CCND2: variants seen among roughly 807,000 people sequenced by gnomAD.
CCND2 encodes G1/S-specific cyclin-D2.
Under a neutral mutation model 30.2 loss-of-function variants are expected in CCND2, and 6 were observed. The ratio of observed to expected loss-of-function variants is 0.20; its 90% CI spans 0.11 to 0.39. The LOEUF is 0.39. Ranked by LOEUF, CCND2 falls within the 10% of genes least tolerant of loss-of-function variation. The probability of loss-of-function intolerance (pLI) is 1.00; values close to 1 mark genes in which losing one functional copy is unlikely to be tolerated. For synonymous variants in CCND2, 150 were observed against 153.1 expected (o/e 0.98, Z 0.15); for missense variants, 235 against 373.4 (o/e 0.63, Z 3.06).
chr12:4,302,849 T>C lies in CCND2; in HGVS notation c.*2840T>C, dbSNP rs1307905282. 1 of 233,224 alleles carries C rather than the reference T, an allele frequency of 4.3e-6. No homozygotes were observed. The allele number at this position is 233,224 out of a possible 1,614,324, so 14.4% of individuals were successfully genotyped here. ...TGACCCTAAAATTCTAGGGGATTTCTGGTGGGACAATGGGTGGTGAATTCT... is the reference window on the plus strand; with the variant it reads ...TGACCCTAAAATTCTAGGGGATTTCCGGTGGGACAATGGGTGGTGAATTCT... On this transcript the variant is annotated 3_prime_UTR_variant, in exon 5 of 5. Transcript: ENST00000261254.
Position 4,278,757 on chromosome 12 carries a change from C to A in CCND2, c.412-3C>A. The A allele has an allele frequency of 1.2e-6, 2 of 1,613,998 alleles. No individual in the cohort carries two copies. Among genetic ancestry groups the A allele is most frequent in the Non-Finnish European group, 1.7e-6 (2 of 1,179,840 alleles). On this transcript the variant is annotated splice_polypyrimidine_tract_variant and splice_region_variant and intron_variant, in intron 2 of 4. Coordinates refer to ENST00000261254, the MANE Select transcript of CCND2 (RefSeq NM_001759.4). ...CCTCTTCTCTTCCTGCCTTCCCCTC[C>A]AGGAGTGGGAACTGGTGGTGCTGGG... is the stretch of plus-strand genomic sequence containing the variant.
intron 3 of CCND2, among the ~76,000 whole-genome samples, chr12:4,284,129 G>A (rs1863989809): frequency 6.6e-6 from 1 of 152,200 alleles, no homozygotes; most frequent in African/African-American, 2.4e-5. Context: ...CCACAGTCCT[G>A]CAGGAAGTAC....
intron 3 of CCND2, among the ~76,000 whole-genome samples, chr12:4,279,350 T>C (rs1450627197): frequency 6.6e-6 from 1 of 151,908 alleles, no homozygotes; most frequent in Non-Finnish European, 1.5e-5. Flanking sequence ...TCAAGATAAA[T>C]ATGCTGCCTG....
chr12:4,298,840 C>G (rs887658140), intron 4 of CCND2, among the ~76,000 whole-genome samples: 13 of 152,224 alleles, frequency 8.5e-5, no homozygotes, highest in Non-Finnish European at 1.5e-4. Flanking sequence ...ATACCCATGA[C>G]TTGTCATTGC....
rs1389289379 is a variant in CCND2, at chr12:4,305,168, ATGT to A, written c.*5163_*5165del. The stretch of plus-strand genomic sequence containing the variant: ...AAGGTTTTTAGGAAGTATGGCAAAA[ATGT>A]TGTATTGGCTATGATGGTGACATGA... On this transcript the variant is annotated 3_prime_UTR_variant, in exon 5 of 5. Transcript: ENST00000261254. This position sits in a 1 kb window ranked among gnomAD's most constrained non-coding sequence, Gnocchi z 6.4. The A allele has an allele frequency of 6.4e-5, 15 of 233,404 alleles. No homozygotes were observed. In the South Asian group the frequency reaches 1.1e-3, roughly 17 times the overall value. 14.5% of individuals were successfully genotyped at this position (233,404 alleles called of 1,614,324 possible). A position where few individuals can be genotyped will look rare whatever the true frequency, so the allele number is the denominator to read the frequency against.
At chr12:4,297,734 G>A in intron 4 of CCND2, 1 of 305,978 alleles carries the variant, frequency 3.3e-6, no homozygotes, top group South Asian at 2.6e-5. Context: ...TGAGCCCCAT[G>A]TGATTTATCG....
rs766246152 is a variant in CCND2, at chr12:4,276,361, G to A, written c.411+141G>A. 12 of 665,972 alleles carry A rather than the reference G, an allele frequency of 1.8e-5. No homozygotes were observed. The highest frequency in any genetic ancestry group is 3.0e-5 in the Non-Finnish European group (12 of 394,332). 41.3% of individuals were successfully genotyped at this position (665,972 alleles called of 1,614,324 possible). A position where few individuals can be genotyped will look rare whatever the true frequency, so the allele number is the denominator to read the frequency against. On this transcript the variant is annotated intron_variant, in intron 2 of 4. Coordinates refer to ENST00000261254, the MANE Select transcript of CCND2 (RefSeq NM_001759.4). This position sits in a 1 kb window ranked among gnomAD's most constrained non-coding sequence, Gnocchi z 4.8. ...CAATAGAATTTACCCACTTATGGGC[G>A]ATAGCTCATTTAATAGGAAACCACT...
In CCND2 at chr12:4,287,007, C is replaced by T. The variant is rs1185541396; in HGVS notation, c.572-1835C>T. ...CTAACGAGGTTATTGGGCAGAGAAA[C>T]ACTCTCCTGTGACCCATGTGGAAGA... On this transcript the variant is annotated intron_variant, in intron 3 of 4. Coordinates refer to ENST00000261254, the MANE Select transcript of CCND2 (RefSeq NM_001759.4). This position sits in a 1 kb window ranked among gnomAD's most constrained non-coding sequence, Gnocchi z 4.0. Among the ~76,000 whole-genome samples the T allele has an allele frequency of 6.6e-6, 1 of 152,216 alleles. No homozygotes were observed. Among genetic ancestry groups the T allele is most frequent in the Non-Finnish European group, 1.5e-5 (1 of 68,042 alleles).
intron 3 of CCND2, among the ~76,000 whole-genome samples, chr12:4,281,476 A>T (rs1442163752): frequency 1.3e-5 from 2 of 152,190 alleles, no homozygotes; most frequent in African/African-American, 4.8e-5. Context: ...AGGCAGAGGT[A>T]GGAGATGCAG....
chr12:4,294,413 T>C (rs1468768484), intron 4 of CCND2, among the ~76,000 whole-genome samples: 7 of 152,058 alleles, frequency 4.6e-5, no homozygotes, highest in Non-Finnish European at 8.8e-5. Flanking sequence ...TCAGCTTAAT[T>C]TGGGGCATCT....
At chr12:4,284,303 A>T (rs1863991711) in intron 3 of CCND2, among the ~76,000 whole-genome samples, 1 of 152,248 alleles carries the variant, frequency 6.6e-6, no homozygotes, top group Non-Finnish European at 1.5e-5. Context: ...AGATCAGAAA[A>T]TGAAAACTCA....
chr12:4,274,026 G>A lies in CCND2; in HGVS notation c.-15G>A, dbSNP rs1353836037. ...GCCGGGGAAAGCAGGAGGGAGAGGG[G>A]CCGCCGGGCTGGCCATGGAGCTGCT... On this transcript the variant is annotated 5_prime_UTR_variant, in exon 1 of 5. Coordinates refer to ENST00000261254, the MANE Select transcript of CCND2 (RefSeq NM_001759.4). This position sits in a 1 kb window ranked among gnomAD's most constrained non-coding sequence, Gnocchi z 7.7. 6.2e-7 allele frequency: 1 copy of A among 1,605,526 alleles called. No homozygotes were observed.
chr12:4,292,601 G>A (rs569787891), intron 4 of CCND2, among the ~76,000 whole-genome samples: 2 of 152,186 alleles, frequency 1.3e-5, no homozygotes, highest in Non-Finnish European at 2.9e-5. Context: ...CCGTCTGGTT[G>A]CCAAAATAAA....
At chr12:4,275,849 C>T (rs945849048) in intron 1 of CCND2, among the ~76,000 whole-genome samples, 156 bp from the exon 2 acceptor site, 4 of 151,586 alleles carry the variant, frequency 2.6e-5, no homozygotes, top group Non-Finnish European at 5.9e-5. Flanking sequence ...CATCTTTGTT[C>T]TTTATTCTTA....
At chr12:4,281,730 C>T (rs1019726500) in intron 3 of CCND2, among the ~76,000 whole-genome samples, 5 of 151,756 alleles carry the variant, frequency 3.3e-5, no homozygotes, top group South Asian at 2.1e-4. Flanking sequence ...GTGTGGGGAG[C>T]GTATTTGTGT....
At chr12:4,284,880 C>T (rs1018035254) in intron 3 of CCND2, among the ~76,000 whole-genome samples, 5 of 151,968 alleles carry the variant, frequency 3.3e-5, no homozygotes, top group Admixed American at 1.3e-4. Flanking sequence ...GGATTACAGG[C>T]GCGTGCCACC....
rs746879522 is a variant in CCND2 at position 4,274,242 on chromosome 12, C to CG, written c.195+13dup. The CG allele has an allele frequency of 1.1e-5, 17 of 1,612,346 alleles. No individual in the cohort carries two copies. The African/African-American group carries it at 2.0e-4, about 19-fold the overall frequency. On this transcript the variant is annotated splice_region_variant and intron_variant, in intron 1 of 4. Transcript: ENST00000261254. The surrounding 1 kb of genome is among the most constrained non-coding windows in gnomAD (Gnocchi z 7.7). ...GGCCACCTGGATGCTGGAGGTAGGT[C>CG]GGGGGGTGGCGCTCGCCAGGAGCCA...
chr12:4,304,270 T>C lies in CCND2; in HGVS notation c.*4261T>C, dbSNP rs1864287699. 3 of 233,544 alleles carry C rather than the reference T, an allele frequency of 1.3e-5. No homozygotes were observed. The highest frequency in any genetic ancestry group is 3.6e-4 in the South Asian group (2 of 5,536). The allele number at this position is 233,544 out of a possible 1,614,324, so 14.5% of individuals were successfully genotyped here. ...AGGGGAGGAAGTCTGAGTAAGCCAG[T>C]TGGCTTCTAAGCCAAAAGGATTCCT... On this transcript the variant is annotated 3_prime_UTR_variant, in exon 5 of 5. Coordinates refer to ENST00000261254, the MANE Select transcript of CCND2 (RefSeq NM_001759.4). The surrounding 1 kb of genome is among the most constrained non-coding windows in gnomAD (Gnocchi z 6.2).
intron 2 of CCND2, among the ~76,000 whole-genome samples, chr12:4,278,447 T>C (rs1357558464): frequency 6.6e-6 from 1 of 152,108 alleles, no homozygotes; most frequent in Non-Finnish European, 1.5e-5. Flanking sequence ...GGAAGCAGTA[T>C]TGCCTGCAAG....
Sources: allele counts gnomAD v4.1 joint callset (sites outside exome capture counted in the v4.1 genomes callset), GRCh38; gene constraint gnomAD v4.1.1; non-coding constraint Gnocchi (gnomAD v3.1); transcripts MANE v1.5; gene names NCBI Gene and HGNC (gene_info 2026-07-23, HGNC 2026-07-21).